The following CNTNAP3B variants were observed in gnomAD, a reference collection of about 807,000 sequenced individuals.
The protein encoded by CNTNAP3B is contactin-associated protein-like 3B.
In CNTNAP3B, 25 loss-of-function variants were observed where a neutral mutation model predicts 108.9. That is an observed-to-expected ratio of 0.23 (90% confidence interval 0.17 to 0.32). The LOEUF (loss-of-function observed/expected upper bound fraction) is 0.32. Among genes scored for constraint, CNTNAP3B ranks in the 10% least tolerant of loss-of-function variants. The pLI is 1.00. For synonymous variants in CNTNAP3B, 103 were observed against 473.4 expected (o/e 0.22, Z 10.16); for missense variants, 252 against 1,210.4 (o/e 0.21, Z 11.75).
chr9:41,926,455 T>C (rs1207128486), intron 15 of CNTNAP3B, among the ~76,000 whole-genome samples: 3 of 152,308 alleles, frequency 2.0e-5, no homozygotes, highest in Non-Finnish European at 2.9e-5. Flanking sequence ...TCTTTCTTCA[T>C]TAATCAATTT....
At position 42,123,586 on chromosome 9, in the gene CNTNAP3B, A is replaced by G. The variant is rs1225527134; in HGVS notation, c.85+5424T>C. On this transcript the variant is annotated intron_variant, in intron 1 of 23. Transcript: ENST00000377561. ...TGAAGAGATCTCTTGAACCGGCCAG[A>G]AAGTTGAAGCTCAAGGTTGCAGAAG... Among the ~76,000 whole-genome samples, 5 of 127,728 alleles carry G rather than the reference A, an allele frequency of 3.9e-5. 1 individual carries two copies. The highest frequency in any genetic ancestry group is 8.2e-5 in the Non-Finnish European group (5 of 61,164). 83.8% of individuals were successfully genotyped at this position (127,728 alleles called of 152,430 possible).
intron 1 of CNTNAP3B, among the ~76,000 whole-genome samples, chr9:42,117,128 T>A (rs1422824416): frequency 1.5e-5 from 2 of 136,196 alleles, no homozygotes; most frequent in Admixed American, 7.3e-5. Flanking sequence ...AGACAGAAAG[T>A]TAAAAAGGAT....
At chr9:41,915,958 CTT>C (rs1251919556) in intron 18 of CNTNAP3B, among the ~76,000 whole-genome samples, 10 of 151,490 alleles carry the variant, frequency 6.6e-5, no homozygotes, top group Admixed American at 5.3e-4. Context: ...TTTACACTAA[CTT>C]AATACAAGTG....
chr9:41,968,942 G>A (rs1403943678), intron 10 of CNTNAP3B, among the ~76,000 whole-genome samples: 125 of 152,158 alleles, frequency 8.2e-4, no homozygotes, highest in African/African-American at 2.8e-3. Context: ...AACTACAGGC[G>A]CCCGCCACCA....
At chr9:42,018,881 C>T (rs148450386) in intron 3 of CNTNAP3B, among the ~76,000 whole-genome samples, 5,460 of 147,512 alleles carry the variant, frequency 0.037, 33 homozygotes, top group East Asian at 0.24. Flanking sequence ...AAGACTCTCA[C>T]GTATCTCTAA....
At chr9:41,939,503 CAAAAA>C (rs1212480701) in intron 13 of CNTNAP3B, among the ~76,000 whole-genome samples, 3 of 152,104 alleles carry the variant, frequency 2.0e-5, no homozygotes, top group Admixed American at 1.3e-4. Flanking sequence ...TGCCAAAAAA[CAAAAA>C]AAACAACGAA....
chr9:42,108,349 G>A (rs1828123241), intron 1 of CNTNAP3B, among the ~76,000 whole-genome samples: 1 of 136,682 alleles, frequency 7.3e-6, no homozygotes. Flanking sequence ...TTATATTATT[G>A]TTCTCCTAGA....
At chr9:41,964,698 A>C in intron 10 of CNTNAP3B, 54 bp from the exon 11 acceptor site, 9 of 1,536,690 alleles carry the variant, frequency 5.9e-6, no homozygotes, top group Non-Finnish European at 7.0e-6. Flanking sequence ...TCAAAAAATA[A>C]GTGTCTTACC....
chr9:41,994,666 A>G (rs529820331), intron 7 of CNTNAP3B: 10,042 of 446,250 alleles, frequency 0.023, 295 homozygotes, highest in East Asian at 0.11. Flanking sequence ...TGGGCTTCAC[A>G]GCTGTTTTTC....
chr9:41,946,002 C>T (rs1824523439), intron 13 of CNTNAP3B, among the ~76,000 whole-genome samples: 1 of 152,274 alleles, frequency 6.6e-6, no homozygotes, highest in South Asian at 2.1e-4. Context: ...AAGGGCATTA[C>T]ACAATAATAA....
At chr9:41,925,991 G>T (rs1228644926) in intron 15 of CNTNAP3B, among the ~76,000 whole-genome samples, 10 of 152,278 alleles carry the variant, frequency 6.6e-5, no homozygotes, top group Non-Finnish European at 1.0e-4. Context: ...TCAGTAGTCA[G>T]CTAGGAAATA....
intron 10 of CNTNAP3B, among the ~76,000 whole-genome samples, chr9:41,965,333 G>A (rs1395511519): frequency 1.3e-5 from 2 of 151,988 alleles, no homozygotes; most frequent in African/African-American, 2.4e-5. Context: ...ACAGTTGGAG[G>A]TCTCACACTT....
intron 3 of CNTNAP3B, among the ~76,000 whole-genome samples, chr9:42,054,570 T>A (rs1479542450): frequency 6.6e-6 from 1 of 151,712 alleles, no homozygotes; most frequent in African/African-American, 2.4e-5. Context: ...CAGCACTCAG[T>A]TAGTTACTCT....
At chr9:42,103,690 G>A (rs1205352683) in intron 2 of CNTNAP3B, among the ~76,000 whole-genome samples, 1 of 91,522 alleles carries the variant, frequency 1.1e-5, no homozygotes, top group Non-Finnish European at 2.3e-5. Flanking sequence ...AGCTGAGATT[G>A]CACCACCGCA....
chr9:41,960,615 C>A (rs1335366630), intron 12 of CNTNAP3B, among the ~76,000 whole-genome samples, 158 bp downstream of exon 12: 1 of 152,274 alleles, frequency 6.6e-6, no homozygotes, highest in Non-Finnish European at 1.5e-5. Context: ...AGAAGAAATA[C>A]AAGAAAATTT....
intron 3 of CNTNAP3B, among the ~76,000 whole-genome samples, chr9:42,028,962 T>C (rs1414597908): frequency 6.6e-6 from 1 of 151,388 alleles, no homozygotes; most frequent in African/African-American, 2.4e-5. Flanking sequence ...GCAATATTGC[T>C]AAACCAAAAT....
rs1365730880 is a variant in CNTNAP3B, at chr9:42,014,516, C to T, written c.391-991G>A. On this transcript the variant is annotated intron_variant, in intron 3 of 23. Coordinates refer to ENST00000377561, the MANE Select transcript of CNTNAP3B (RefSeq NM_001201380.3). The stretch of plus-strand genomic sequence containing the variant: ...AAGAATGTACCAGGCTTAGGGCCAG[C>T]GCGTTGGCTCACGCCTGTAATCCCA... 9.2e-4 allele frequency among the ~76,000 whole-genome samples: 108 copies of T among 117,282 alleles called. 12 individuals are homozygous for T. The highest frequency in any genetic ancestry group is 1.6e-3 in the South Asian group (6 of 3,722). The allele number at this position is 117,282 out of a possible 152,430, so 76.9% of individuals were successfully genotyped here. A position where few individuals can be genotyped will look rare whatever the true frequency, so the allele number is the denominator to read the frequency against.
At chr9:41,940,454 C>T (rs1379542355) in intron 13 of CNTNAP3B, among the ~76,000 whole-genome samples, 1 of 152,292 alleles carries the variant, frequency 6.6e-6, no homozygotes, top group African/African-American at 2.4e-5. Context: ...TTTTTCAGGG[C>T]TGATAGAAAA....
intron 3 of CNTNAP3B, among the ~76,000 whole-genome samples, chr9:42,044,222 T>A (rs1826821073): frequency 6.7e-6 from 1 of 148,640 alleles, no homozygotes; most frequent in African/African-American, 2.5e-5. Flanking sequence ...TAGTGGTTCT[T>A]GTTGTTAATC....
Sources: gnomAD v4.1 joint callset for allele counts (sites outside exome capture counted in the v4.1 genomes callset) on GRCh38, gnomAD v4.1.1 for gene constraint, MANE v1.5 for transcripts, NCBI Gene and HGNC (gene_info 2026-07-23, HGNC 2026-07-21) for gene names.